Variants in GRAMD1B observed in about 807,000 individuals in gnomAD.
GRAMD1B encodes protein Aster-B.
Under a neutral mutation model 99.7 loss-of-function variants are expected in GRAMD1B, and 37 were observed. The ratio of observed to expected loss-of-function variants is 0.37; its 90% CI spans 0.29 to 0.49. GRAMD1B has a LOEUF of 0.49. Among genes scored for constraint, GRAMD1B ranks in the 20% least tolerant of loss-of-function variants. The probability of loss-of-function intolerance (pLI) is 0.98; values close to 1 mark genes in which losing one functional copy is unlikely to be tolerated. For missense variants in GRAMD1B, 888 were observed against 1,009.2 expected, an observed-to-expected ratio of 0.88 and a Z score of 1.63; for synonymous variants, 427 against 387.6, an observed-to-expected ratio of 1.10 and a Z score of -1.19.
chr11:123,379,557 T>C (rs79128007), intron 1 of GRAMD1B, among the ~76,000 whole-genome samples: 3,887 of 152,354 alleles, frequency 0.026, 80 homozygotes, highest in Non-Finnish European at 0.039. Context: ...ATGGTTAATA[T>C]CACATTTTAT....
Position 123,609,851 on chromosome 11 carries a change from C to A in GRAMD1B, c.1714C>A (p.Leu572Ile), listed in dbSNP as rs778881141. 2.5e-6 allele frequency: 4 copies of A among 1,605,358 alleles called. No homozygotes were observed. The Admixed American group carries it at 6.8e-5, about 27-fold the overall frequency. Reference protein sequence around the residue: ...EENGNQSRVILYTITLTNPLA... With the variant: ...EENGNQSRVIIYTITLTNPLA... Reference sequence around the variant, plus strand: ...GAATGGAAACCAGAGCCGAGTGATTCTTTACACCATCACCCTTACCAACCC... The same window carrying A: ...GAATGGAAACCAGAGCCGAGTGATTATTTACACCATCACCCTTACCAACCC... Residue 572 changes from leucine to isoleucine, a missense_variant, in exon 13 of 20, where the codon CTT (leucine) becomes ATT (isoleucine). This residue lies in a region of GRAMD1B where 92 missense variants were observed against 156.9 expected (regional missense o/e 0.59). Coordinates refer to ENST00000635736, the MANE Select transcript of GRAMD1B (RefSeq NM_001387025.1).
chr11:123,560,584 C>T (rs1946631926), intron 2 of GRAMD1B: 1 of 592,252 alleles, frequency 1.7e-6, no homozygotes. Context: ...CCCCCACTGC[C>T]CAATGCATGA....
chr11:123,429,765 C>T (rs1437408770), upstream of GRAMD1B, among the ~76,000 whole-genome samples: 1 of 152,160 alleles, frequency 6.6e-6, no homozygotes, highest in African/African-American at 2.4e-5. The surrounding 1 kb of genome is among the most constrained non-coding windows in gnomAD (Gnocchi z 4.0). Flanking sequence ...CACGGGAGAA[C>T]TGTCCTCTTC....
Position 123,587,107 on chromosome 11 carries a change from C to T in GRAMD1B, c.684+2775C>T, listed in dbSNP as rs1009283267. 6.6e-6 allele frequency among the ~76,000 whole-genome samples: 1 copy of T among 152,234 alleles called. No individual in the cohort carries two copies. Among genetic ancestry groups the T allele is most frequent in the African/African-American group, 2.4e-5 (1 of 41,470 alleles). On this transcript the variant is annotated intron_variant, in intron 4 of 19. Transcript: ENST00000635736. This position sits in a 1 kb window ranked among gnomAD's most constrained non-coding sequence, Gnocchi z 4.2. ...CCAGTCCATGCCCCAGCCTCCCCTTCACCTGCTGCCTCTCTGCAGAAGACA... is the reference window on the plus strand; with the variant it reads ...CCAGTCCATGCCCCAGCCTCCCCTTTACCTGCTGCCTCTCTGCAGAAGACA...
At chr11:123,594,358 G>C (rs1052707115) in intron 5 of GRAMD1B, among the ~76,000 whole-genome samples, 192 bp downstream of exon 5, 14 of 152,218 alleles carry the variant, frequency 9.2e-5, no homozygotes, top group Non-Finnish European at 2.1e-4. Context: ...AGCCTCAAGA[G>C]CCCAACCTGG....
At chr11:123,449,884 G>A (rs1949810447) in intron 1 of GRAMD1B, among the ~76,000 whole-genome samples, 1 of 151,866 alleles carries the variant, frequency 6.6e-6, no homozygotes, top group South Asian at 2.1e-4. Context: ...ACTATGCTCG[G>A]CTAGATTTTT....
chr11:123,454,109 G>T (rs1488392448), intron 1 of GRAMD1B, among the ~76,000 whole-genome samples: 1 of 152,170 alleles, frequency 6.6e-6, no homozygotes, highest in Non-Finnish European at 1.5e-5. Flanking sequence ...ATTCCAGACT[G>T]GGACAAGCGT....
chr11:123,599,767 T>C (rs1274208), intron 7 of GRAMD1B, among the ~76,000 whole-genome samples: 124,588 of 151,834 alleles, frequency 0.82, 51,365 homozygotes, highest in East Asian at 0.99. Flanking sequence ...GCCATGGCGC[T>C]CTGCCTGGTT....
At chr11:123,582,739 C>G (rs1557423) in intron 3 of GRAMD1B, among the ~76,000 whole-genome samples, 75,983 of 151,696 alleles carry the variant, frequency 0.5, 19,262 homozygotes, top group South Asian at 0.61. Flanking sequence ...CACATGGCCA[C>G]TGGTCATCAC....
At chr11:123,415,214 T>G (rs536917254) in intron 1 of GRAMD1B, among the ~76,000 whole-genome samples, 64 of 150,708 alleles carry the variant, frequency 4.2e-4, no homozygotes, top group Non-Finnish European at 6.9e-4. Flanking sequence ...GCGATTCTCT[T>G]GCCTTAGCTT....
intron 3 of GRAMD1B, 75 bp from the exon 4 acceptor site, chr11:123,584,237 G>A (rs1404568460): frequency 2.5e-6 from 2 of 792,538 alleles, no homozygotes; most frequent in Non-Finnish European, 2.1e-6. Context: ...CGCTGTCTGT[G>A]TGCCCTTCCC....
At chr11:123,405,281 C>T (rs1002464288) in intron 1 of GRAMD1B, among the ~76,000 whole-genome samples, 2 of 152,108 alleles carry the variant, frequency 1.3e-5, no homozygotes, top group African/African-American at 4.8e-5. Context: ...CATCTGTTCA[C>T]ACCTACTTAT....
At chr11:123,534,391 C>A (rs553365322) in intron 2 of GRAMD1B, among the ~76,000 whole-genome samples, 10 of 152,066 alleles carry the variant, frequency 6.6e-5, no homozygotes, top group African/African-American at 2.2e-4. Flanking sequence ...AAGATTTGCA[C>A]GTATTTGGAC....
At chr11:123,470,792 G>T (rs1950980237) in intron 1 of GRAMD1B, among the ~76,000 whole-genome samples, 1 of 152,146 alleles carries the variant, frequency 6.6e-6, no homozygotes, top group South Asian at 2.1e-4. Context: ...TGTAGAGAGA[G>T]GTTAAGAAAT....
In GRAMD1B at chr11:123,609,783, C is replaced by G. The variant is rs755005462; in HGVS notation, c.1658-12C>G. On this transcript the variant is annotated splice_polypyrimidine_tract_variant and intron_variant, in intron 12 of 19. Coordinates refer to ENST00000635736, the MANE Select transcript of GRAMD1B (RefSeq NM_001387025.1). ...CTCCCTTCCTCATTCCAGGGCTCTC[C>G]TCTACCCTTAGATATCATCTTCCAT... The G allele has an allele frequency of 6.2e-6, 9 of 1,460,460 alleles. No individual in the cohort carries two copies. The highest frequency in any genetic ancestry group is 7.6e-6 in the Non-Finnish European group (8 of 1,054,568). The allele number at this position is 1,460,460 out of a possible 1,614,324, so 90.5% of individuals were successfully genotyped here.
At chr11:123,590,250 G>A (rs956203033) in intron 4 of GRAMD1B, among the ~76,000 whole-genome samples, 5 of 152,174 alleles carry the variant, frequency 3.3e-5, no homozygotes, top group South Asian at 2.1e-4. Context: ...CACCACCAGC[G>A]TGTCTGAAAC....
chr11:123,377,480 T>C (rs1385568830), intron 1 of GRAMD1B, among the ~76,000 whole-genome samples: 1 of 152,098 alleles, frequency 6.6e-6, no homozygotes, highest in Non-Finnish European at 1.5e-5. Context: ...TATAACTCAG[T>C]AGTAACATCA....
rs560775361 is a variant in GRAMD1B at position 123,617,649 on chromosome 11, G to A, written c.2319-1044G>A. Among the ~76,000 whole-genome samples, 133 of 152,242 alleles carry A rather than the reference G, an allele frequency of 8.7e-4. No individual in the cohort carries two copies. The South Asian group carries it at 0.027, about 31-fold the overall frequency. ...CAACCCCAGTAGGATAGGTATTACT[G>A]TCCCTAGGTTGGAGAAGCTAGGAAA... On this transcript the variant is annotated intron_variant, in intron 17 of 19. Coordinates refer to ENST00000635736, the MANE Select transcript of GRAMD1B (RefSeq NM_001387025.1).
At chr11:123,358,498 C>T (rs1946030890) in exon 1 of GRAMD1B, 1 of 152,168 alleles carries the variant, frequency 6.6e-6, no homozygotes, top group African/African-American at 2.4e-5. Context: ...CCTCCCGCCC[C>T]AGCGGCTCCC....
Sources: allele counts gnomAD v4.1 joint callset (sites outside exome capture counted in the v4.1 genomes callset), GRCh38; gene constraint gnomAD v4.1.1; regional missense constraint gnomAD v4.1.1; non-coding constraint Gnocchi (gnomAD v3.1); transcripts MANE v1.5; gene names NCBI Gene and HGNC (gene_info 2026-07-23, HGNC 2026-07-21).